Variants in NBEAL1 observed in about 807,000 individuals in gnomAD.
NBEAL1 encodes neurobeachin-like protein 1.
NBEAL1 carries 273 observed loss-of-function variants against 351.3 expected under a neutral mutation model. The ratio of observed to expected loss-of-function variants is 0.78; its 90% CI spans 0.70 to 0.86. The LOEUF (loss-of-function observed/expected upper bound fraction) is 0.86, where lower values mean the gene tolerates loss of function less well. Ranked by LOEUF, NBEAL1 falls within the 40% of genes least tolerant of loss-of-function variation. The pLI is 0.00. For synonymous variants in NBEAL1, 1,050 were observed against 1,086.4 expected (o/e 0.97, Z 0.66); for missense variants, 2,961 against 3,201.3 (o/e 0.92, Z 1.81).
In NBEAL1 at chr2:203,221,129, A is replaced by C; in HGVS notation, c.*3775A>C. ...TTAAGACATTTTATATTTTGTGTGA[A>C]AAGGAGTGGTCAGGGGAAACTGTTA... On this transcript the variant is annotated 3_prime_UTR_variant, in exon 56 of 56. Transcript: ENST00000683969. 6.6e-6 allele frequency among the ~76,000 whole-genome samples: 1 copy of C among 152,066 alleles called. No individual in the cohort carries two copies. Among genetic ancestry groups the C allele is most frequent in the East Asian group, 1.9e-4 (1 of 5,194 alleles).
At chr2:203,039,811 C>T (rs970443829) in intron 2 of NBEAL1, among the ~76,000 whole-genome samples, 1 of 152,182 alleles carries the variant, frequency 6.6e-6, no homozygotes, top group African/African-American at 2.4e-5. Context: ...TTATTGAGCA[C>T]TGTCTCAGTA....
Position 203,174,576 on chromosome 2 carries a change from A to G in NBEAL1, c.6324-571A>G, listed in dbSNP as rs564152057. On this transcript the variant is annotated intron_variant, in intron 41 of 55. Coordinates refer to ENST00000683969, the MANE Select transcript of NBEAL1 (RefSeq NM_001378026.1). ...CTATTTTCTAATTTTTCTACAATGA[A>G]CATGTATTATTATTGCATAACAAAA... is the stretch of plus-strand genomic sequence containing the variant. 1.0e-3 allele frequency among the ~76,000 whole-genome samples: 155 copies of G among 152,212 alleles called. 1 individual carries two copies. The highest frequency in any genetic ancestry group is 1.9e-3 in the Non-Finnish European group (131 of 68,024).
At chr2:203,164,539 C>T (rs558881416) in intron 36 of NBEAL1, among the ~76,000 whole-genome samples, 1 of 151,894 alleles carries the variant, frequency 6.6e-6, no homozygotes, top group East Asian at 1.9e-4. Context: ...TATAAATAAC[C>T]CTCAGACTAT....
chr2:203,057,758 T>TA (rs2061427890), intron 6 of NBEAL1, among the ~76,000 whole-genome samples: 1 of 151,808 alleles, frequency 6.6e-6, no homozygotes, highest in South Asian at 2.1e-4. Context: ...AGTTATTTTT[T>TA]AAAAAACATA....
chr2:203,196,521 T>G lies in NBEAL1; in HGVS notation c.7039-781T>G, dbSNP rs148412635. 4.5e-3 allele frequency among the ~76,000 whole-genome samples: 683 copies of G among 152,340 alleles called. 1 individual carries two copies. The highest frequency in any genetic ancestry group is 0.01 in the Admixed American group (158 of 15,306). On this transcript the variant is annotated intron_variant, in intron 47 of 55. Coordinates refer to ENST00000683969, the MANE Select transcript of NBEAL1 (RefSeq NM_001378026.1). Reference sequence around the variant, plus strand: ...GGGTTTTTTTCAGGTACCATTTTCATTTTGCCTTGTTCAAATGCAAGTCAT... The same window carrying G: ...GGGTTTTTTTCAGGTACCATTTTCAGTTTGCCTTGTTCAAATGCAAGTCAT...
rs2061501785 is a variant in NBEAL1, at chr2:203,061,666, A to G, written c.515+4213A>G. 3 of 158,572 alleles carry G rather than the reference A, an allele frequency of 1.9e-5. No individual in the cohort carries two copies. The South Asian group carries it at 5.8e-4, about 31-fold the overall frequency. The allele number at this position is 158,572 out of a possible 1,614,324, so 9.8% of individuals were successfully genotyped here. On this transcript the variant is annotated intron_variant, in intron 6 of 55. Coordinates refer to ENST00000683969, the MANE Select transcript of NBEAL1 (RefSeq NM_001378026.1). ...ATCTATAGGGTTTCTCTCCAGTATG[A>G]ATCATTTCATGTTCTCGAAGGGCGT...
Position 203,136,750 on chromosome 2 carries a change from G to T in NBEAL1, c.4541G>T (p.Arg1514Leu). ...CCAGGAATATCCAGTGAACTACTTC[G>T]ACCATCAGATGAAATAAAACTAACG... ...SKPGISSELL[R>L]PSDEIKLTLL... is the part of the protein sequence containing the mutation. Residue 1514 changes from arginine (R) to leucine (L), a missense_variant, in exon 29 of 56, where the codon CGA becomes CTA. Arg to Leu is a moderately radical substitution (Grantham distance 102, BLOSUM62 -2). Coordinates refer to ENST00000683969, the MANE Select transcript of NBEAL1 (RefSeq NM_001378026.1). The T allele has an allele frequency of 1.2e-6, 2 of 1,612,884 alleles. No homozygotes were observed. The highest frequency in any genetic ancestry group is 2.2e-5 in the South Asian group (2 of 90,662).
intron 2 of NBEAL1, among the ~76,000 whole-genome samples, chr2:203,038,829 A>G (rs2061080737): frequency 6.7e-6 from 1 of 148,364 alleles, no homozygotes; most frequent in East Asian, 1.9e-4. Flanking sequence ...TGGCATGCGC[A>G]ACCACACCAA....
Position 203,110,135 on chromosome 2 carries a change from A to G in NBEAL1, c.1950-15A>G. ...AACCAACTTTAAAAGTTCTGATAATACGTATTTTTTTTAGTTTTTTTACAG... is the reference window on the plus strand; with the variant it reads ...AACCAACTTTAAAAGTTCTGATAATGCGTATTTTTTTTAGTTTTTTTACAG... On this transcript the variant is annotated splice_polypyrimidine_tract_variant and intron_variant, in intron 14 of 55. Transcript: ENST00000683969. 1 of 1,543,578 alleles carries G rather than the reference A, an allele frequency of 6.5e-7. No individual in the cohort carries two copies. The highest frequency in any genetic ancestry group is 8.7e-7 in the Non-Finnish European group (1 of 1,144,418).
rs1405581441 is a variant in NBEAL1 at position 203,132,119 on chromosome 2, A to G, written c.3711A>G (p.Gln1237=). 6.6e-7 allele frequency: 1 copy of G among 1,525,474 alleles called. No homozygotes were observed. The highest frequency in any genetic ancestry group is 1.4e-5 in the African/African-American group (1 of 72,416). The allele number at this position is 1,525,474 out of a possible 1,614,324, so 94.5% of individuals were successfully genotyped here. A position where few individuals can be genotyped will look rare whatever the true frequency, so the allele number is the denominator to read the frequency against. The stretch of plus-strand genomic sequence containing the variant: ...CTCTTATTAAAAACCTCACCCATCA[A>G]ATCATAAATACAGGTATGAATAAGG... ...NTSLIKNLTH[Q]IINTDPVINF... The change falls in exon 26 of 56, where the codon CAA becomes CAG. Residue 1237 remains glutamine (Q), a synonymous_variant. Transcript: ENST00000683969.
intron 17 of NBEAL1, among the ~76,000 whole-genome samples, chr2:203,114,751 T>G (rs950783872): frequency 9.9e-5 from 15 of 152,210 alleles, no homozygotes; most frequent in East Asian, 1.9e-4. Flanking sequence ...CTTTGTTTTT[T>G]TTTGTTTGTT....
At chr2:203,041,616 T>C in intron 2 of NBEAL1, 149 bp from the exon 3 acceptor site, 1 of 608,812 alleles carries the variant, frequency 1.6e-6, no homozygotes, top group Non-Finnish European at 2.9e-6. Flanking sequence ...ATATACTTAA[T>C]GTACATTTTA....
At chr2:203,089,711 A>G (rs931950972) in intron 10 of NBEAL1, among the ~76,000 whole-genome samples, 3 of 152,344 alleles carry the variant, frequency 2.0e-5, no homozygotes, top group Middle Eastern at 6.8e-3. Flanking sequence ...TAAATCTTAA[A>G]GGTCAGTCTT....
At chr2:203,116,627 C>CAA (rs3053110) in intron 18 of NBEAL1, among the ~76,000 whole-genome samples, 8,168 of 136,878 alleles carry the variant, frequency 0.06, 384 homozygotes, top group African/African-American at 0.12. Flanking sequence ...TGAAAAATGC[C>CAA]AAAAAAAAAA....
At chr2:203,058,988 C>G (rs1281650367) in intron 6 of NBEAL1, among the ~76,000 whole-genome samples, 1 of 152,156 alleles carries the variant, frequency 6.6e-6, no homozygotes, top group East Asian at 1.9e-4. Flanking sequence ...CCTAAATCTC[C>G]TCAAGATTTT....
intron 6 of NBEAL1, among the ~76,000 whole-genome samples, chr2:203,067,081 C>T (rs1157909101): frequency 5.3e-5 from 8 of 150,644 alleles, no homozygotes; most frequent in East Asian, 2.0e-4. Flanking sequence ...CCAGACAGGG[C>T]AGCCGGGCAG....
chr2:203,042,520 C>T (rs1380941896), intron 3 of NBEAL1, among the ~76,000 whole-genome samples: 1 of 151,718 alleles, frequency 6.6e-6, no homozygotes, highest in African/African-American at 2.4e-5. Context: ...AGCTCAATTT[C>T]CCTCTCCCTA....
At chr2:203,037,013 T>G (rs963051445) in intron 2 of NBEAL1, among the ~76,000 whole-genome samples, 1 of 149,318 alleles carries the variant, frequency 6.7e-6, no homozygotes, top group African/African-American at 2.4e-5. Context: ...TAGTTGGACA[T>G]GTAAAAAGCA....
At chr2:203,032,822 G>A (rs988100281) in intron 2 of NBEAL1, among the ~76,000 whole-genome samples, 1 of 149,162 alleles carries the variant, frequency 6.7e-6, no homozygotes, top group Admixed American at 6.7e-5. Context: ...ACACCACCAC[G>A]CCTGGCTAGT....
Sources: allele counts gnomAD v4.1 joint callset (sites outside exome capture counted in the v4.1 genomes callset), GRCh38; gene constraint gnomAD v4.1.1; transcripts MANE v1.5; gene names NCBI Gene and HGNC (gene_info 2026-07-23, HGNC 2026-07-21).